The following IQUB variants were observed in gnomAD, a reference collection of about 807,000 sequenced individuals.
IQUB encodes the protein IQ motif and ubiquitin domain containing.
Under a neutral mutation model 86.4 loss-of-function variants are expected in IQUB, and 86 were observed. That is an observed-to-expected ratio of 1.00 (90% CI 0.84 to 1.19). The LOEUF (loss-of-function observed/expected upper bound fraction) is 1.19, where lower values mean the gene tolerates loss of function less well. Ranked by LOEUF, IQUB falls within the 50% of genes most tolerant of loss-of-function variation. IQUB has a pLI of 0.00. For missense variants in IQUB, 946 were observed against 916.9 expected, an observed-to-expected ratio of 1.03 and a Z score of -0.41; for synonymous variants, 289 against 304.5, an observed-to-expected ratio of 0.95 and a Z score of 0.53.
rs543401756 is a variant in IQUB at position 123,460,132 on chromosome 7, T to C, written c.2007+1225A>G. ...ACTGCCTAGTTTTCAATCCTGGTGCTGGTACTTAGTAGCGTAAACTTGGAC... is the reference window on the plus strand; with the variant it reads ...ACTGCCTAGTTTTCAATCCTGGTGCCGGTACTTAGTAGCGTAAACTTGGAC... On this transcript the variant is annotated intron_variant, in intron 11 of 12. Coordinates refer to ENST00000324698, the MANE Select transcript of IQUB (RefSeq NM_178827.5). 1.2e-4 allele frequency among the ~76,000 whole-genome samples: 18 copies of C among 152,086 alleles called. No homozygotes were observed. In the South Asian group the frequency reaches 3.3e-3, roughly 28 times the overall value.
At chr7:123,518,117 A>G (rs1434459562) in intron 1 of IQUB, among the ~76,000 whole-genome samples, 1 of 151,776 alleles carries the variant, frequency 6.6e-6, no homozygotes, top group Non-Finnish European at 1.5e-5. Flanking sequence ...CAACCAAGGA[A>G]GGTCTACTTT....
chr7:123,489,191 T>TAAGGG (rs1793347272), intron 7 of IQUB, among the ~76,000 whole-genome samples: 1 of 152,134 alleles, frequency 6.6e-6, no homozygotes, highest in African/African-American at 2.4e-5. Context: ...TACCTTTTAG[T>TAAGGG]AAGGGTAGTT....
chr7:123,458,530 C>T (rs1793823653), intron 11 of IQUB, among the ~76,000 whole-genome samples: 1 of 151,952 alleles, frequency 6.6e-6, no homozygotes, highest in African/African-American at 2.4e-5. Context: ...AAAGACAATA[C>T]TCTGTACACA....
intron 2 of IQUB, among the ~76,000 whole-genome samples, chr7:123,510,767 G>C (rs749145651): frequency 6.6e-6 from 1 of 152,032 alleles, no homozygotes; most frequent in Non-Finnish European, 1.5e-5. Flanking sequence ...TAATGCGAAG[G>C]TTCTTTGAGC....
At chr7:123,453,686 C>T (rs1268696623) in intron 12 of IQUB, among the ~76,000 whole-genome samples, 2 of 151,948 alleles carry the variant, frequency 1.3e-5, no homozygotes, top group Non-Finnish European at 2.9e-5. Context: ...CCATACTAGC[C>T]CCAAACTGCC....
chr7:123,463,142 CT>C (rs1794081558), intron 10 of IQUB, among the ~76,000 whole-genome samples: 1 of 151,722 alleles, frequency 6.6e-6, no homozygotes. Context: ...CAAGAACAAA[CT>C]TTAAATACTT....
chr7:123,507,244 C>G (rs891074686), intron 3 of IQUB, among the ~76,000 whole-genome samples: 1 of 152,170 alleles, frequency 6.6e-6, no homozygotes, highest in Non-Finnish European at 1.5e-5. Context: ...ACTTCGAGCA[C>G]CCAATCATTC....
rs140750537 is a variant in IQUB, at chr7:123,515,918, A to G, written c.-4-3574T>C. Among the ~76,000 whole-genome samples, 20 of 152,328 alleles carry G rather than the reference A, an allele frequency of 1.3e-4. No homozygotes were observed. The East Asian group carries it at 3.9e-3, about 29-fold the overall frequency. ...GAAAACATACCAAAGCCTAAGGGTA[A>G]AGATAAGAGTTGATTACAGAAGGAT... On this transcript the variant is annotated intron_variant, in intron 1 of 12. Coordinates refer to ENST00000324698, the MANE Select transcript of IQUB (RefSeq NM_178827.5).
rs765522980 is a variant in IQUB, at chr7:123,452,801, C to T, written c.2318G>A (p.Trp773Ter). Residue 773 changes from tryptophan to a stop codon, truncating the protein, a stop_gained, in exon 13 of 13, where the codon TGG becomes TAG. Coordinates refer to ENST00000324698, the MANE Select transcript of IQUB (RefSeq NM_178827.5). LOFTEE classifies it low-confidence loss of function (END_TRUNC). ...AGGTGTTGTGTCTGAGTGATACTTC[C>T]ATCTGATCTCATCAATTTCACCATC... ...LDDGEIDEIR[W>*]KYHSDTTPKI... 23 of 1,613,448 alleles carry T rather than the reference C, an allele frequency of 1.4e-5. No homozygotes were observed. The highest frequency in any genetic ancestry group is 1.9e-5 in the Non-Finnish European group (22 of 1,179,670).
At chr7:123,509,878 G>A (rs775085279) in intron 3 of IQUB, 23 bp downstream of exon 3, 1 of 1,580,414 alleles carries the variant, frequency 6.3e-7, no homozygotes, top group Non-Finnish European at 8.6e-7. Context: ...GTCTTGATAT[G>A]TTTTATTAGC....
chr7:123,479,744 AT>A (rs764464990), intron 8 of IQUB, 50 bp downstream of exon 8: 1 of 1,349,748 alleles, frequency 7.4e-7, no homozygotes. Context: ...ATTATTCTAC[AT>A]TTTTTAACTC....
At chr7:123,528,908 C>T (rs1032366214) in intron 1 of IQUB, among the ~76,000 whole-genome samples, 1 of 152,076 alleles carries the variant, frequency 6.6e-6, no homozygotes, top group African/African-American at 2.4e-5. Context: ...GCTCTACTTG[C>T]ATACATATGT....
In IQUB at chr7:123,452,714, C is replaced by G; in HGVS notation, c.*29G>C. On this transcript the variant is annotated 3_prime_UTR_variant, in exon 13 of 13. Transcript: ENST00000324698. ...ACCCTATTAGCAGTGAACAAAATGCCGATCATCAAACAAATACTCCTGGAT... is the reference window on the plus strand; with the variant it reads ...ACCCTATTAGCAGTGAACAAAATGCGGATCATCAAACAAATACTCCTGGAT... 6.5e-7 allele frequency: 1 copy of G among 1,544,806 alleles called. No individual in the cohort carries two copies. Among genetic ancestry groups the G allele is most frequent in the South Asian group, 1.2e-5 (1 of 86,850 alleles).
chr7:123,497,532 A>G (rs1795756040), intron 6 of IQUB, among the ~76,000 whole-genome samples: 1 of 152,090 alleles, frequency 6.6e-6, no homozygotes, highest in African/African-American at 2.4e-5. Flanking sequence ...GTTTGAAAGT[A>G]CACCATAGTA....
chr7:123,510,300 T>C (rs1329238666), intron 2 of IQUB, among the ~76,000 whole-genome samples: 10 of 152,090 alleles, frequency 6.6e-5, no homozygotes, highest in Non-Finnish European at 1.5e-4. Context: ...GTATGTATCA[T>C]TCAGATATAA....
intron 8 of IQUB, among the ~76,000 whole-genome samples, chr7:123,475,373 C>CTTTTTTT (rs35957699): frequency 5.4e-5 from 5 of 92,924 alleles, no homozygotes; most frequent in African/African-American, 2.0e-4. Context: ...CTCCATTTCA[C>CTTTTTTT]TTTTTTTTTT....
At chr7:123,455,381 C>T (rs2116931788) in intron 12 of IQUB, among the ~76,000 whole-genome samples, 1 of 152,228 alleles carries the variant, frequency 6.6e-6, no homozygotes, top group South Asian at 2.1e-4. Context: ...CCTGTTCCCT[C>T]AACCTCTGAG....
At chr7:123,512,639 C>A (rs920683258) in intron 1 of IQUB, among the ~76,000 whole-genome samples, 1 of 152,086 alleles carries the variant, frequency 6.6e-6, no homozygotes, top group African/African-American at 2.4e-5. Context: ...ATGAAGAATG[C>A]CTCATGAAAA....
At chr7:123,454,017 T>A (rs551791667) in intron 12 of IQUB, among the ~76,000 whole-genome samples, 46 of 152,268 alleles carry the variant, frequency 3.0e-4, no homozygotes, top group Middle Eastern at 3.4e-3. Context: ...AATAAAGGTC[T>A]CTTCAGAGGG....
Sources: gnomAD v4.1 joint callset for allele counts (sites outside exome capture counted in the v4.1 genomes callset) on GRCh38, gnomAD v4.1.1 for gene constraint, MANE v1.5 for transcripts, NCBI Gene and HGNC (gene_info 2026-07-23, HGNC 2026-07-21) for gene names.